The following NCKIPSD variants were observed in gnomAD, a reference collection of about 807,000 sequenced individuals.
NCKIPSD encodes NCK-interacting protein with SH3 domain.
In NCKIPSD, 48 loss-of-function variants were observed where a neutral mutation model predicts 73.4. That is an observed-to-expected ratio of 0.65 (90% CI 0.52 to 0.83). The LOEUF is 0.83. NCKIPSD is among the 40% of genes least tolerant of loss of function. NCKIPSD has a pLI of 0.00. For synonymous variants in NCKIPSD, 422 were observed against 403.6 expected, an observed-to-expected ratio of 1.05 and a Z score of -0.54; for missense variants, 884 against 970.2, an observed-to-expected ratio of 0.91 and a Z score of 1.18.
intron 1 of NCKIPSD, among the ~76,000 whole-genome samples, chr3:48,685,007 TGAAA>T (rs2077412736): frequency 6.6e-6 from 1 of 151,396 alleles, no homozygotes; most frequent in African/African-American, 2.4e-5. Flanking sequence ...CACAGGCTAG[TGAAA>T]GACACTGAAG....
In NCKIPSD at chr3:48,681,980, A is replaced by T. The variant is rs1378331662; in HGVS notation, c.598+65T>A. Reference sequence around the variant, plus strand: ...CTTAGAGCCTCCATTTCCCTGACACAGGCAGCACAACCATTCCAAGCATAG... The same window carrying T: ...CTTAGAGCCTCCATTTCCCTGACACTGGCAGCACAACCATTCCAAGCATAG... On this transcript the variant is annotated intron_variant, in intron 4 of 12. Transcript: ENST00000294129. 12 of 1,542,822 alleles carry T rather than the reference A, an allele frequency of 7.8e-6. No individual in the cohort carries two copies. In the Middle Eastern group the frequency reaches 5.0e-4, roughly 64 times the overall value.
chr3:48,678,303 G>C (rs2077285245), intron 12 of NCKIPSD, among the ~76,000 whole-genome samples: 1 of 152,124 alleles, frequency 6.6e-6, no homozygotes, highest in African/African-American at 2.4e-5. Context: ...TCTTGCAGCA[G>C]CCTCCGAGGC....
At chr3:48,679,934 G>C in intron 6 of NCKIPSD, 47 bp from the exon 7 acceptor site, 1 of 1,612,838 alleles carries the variant, frequency 6.2e-7, no homozygotes, top group Non-Finnish European at 8.5e-7. Flanking sequence ...GAGCGGAGCT[G>C]TGCAGCCGCA....
At chr3:48,684,029 G>A (rs1250341556) in intron 1 of NCKIPSD, among the ~76,000 whole-genome samples, 1 of 150,192 alleles carries the variant, frequency 6.7e-6, no homozygotes, top group East Asian at 1.9e-4. Context: ...CAGAGAGAGA[G>A]AGAAAGAAAG....
chr3:48,684,134 A>G (rs189771624), intron 1 of NCKIPSD, among the ~76,000 whole-genome samples: 5 of 152,204 alleles, frequency 3.3e-5, no homozygotes, highest in Admixed American at 3.3e-4. Flanking sequence ...GTGTGGGGGG[A>G]GCCGGAGGAA....
chr3:48,682,859 C>T, intron 2 of NCKIPSD, 44 bp downstream of exon 2: 3 of 1,527,684 alleles, frequency 2.0e-6, no homozygotes, highest in Non-Finnish European at 2.7e-6. Flanking sequence ...CCCCACCCCA[C>T]CATGCTCACC....
Position 48,682,557 on chromosome 3 carries a change from T to G in NCKIPSD, c.282-5A>C. 6.2e-7 allele frequency: 1 copy of G among 1,613,684 alleles called. No homozygotes were observed. Among genetic ancestry groups the G allele is most frequent in the Non-Finnish European group, 8.5e-7 (1 of 1,179,746 alleles). On this transcript the variant is annotated splice_polypyrimidine_tract_variant and splice_region_variant and intron_variant, in intron 2 of 12. Transcript: ENST00000294129. ...TTCCGGTGGTGGATCAGCTTCCTGA[T>G]GGAAGGACAGGAAGACTATTGGGGG... is the stretch of plus-strand genomic sequence containing the variant.
chr3:48,685,749 G>A lies in NCKIPSD; in HGVS notation c.59C>T (p.Ala20Val). ...CTCTAGCACCAGGAAGGTCTCGCCC[G>A]CGGCGAACGCCAGCGCGTTGGGCTC... ...SAEPNALAFA[A>V]GETFLVLERS... Residue 20 changes from alanine (A) to valine (V), a missense_variant, in exon 1 of 13, where the codon GCG becomes GTG. Coordinates refer to ENST00000294129, the MANE Select transcript of NCKIPSD (RefSeq NM_016453.4). 1.3e-6 allele frequency: 2 copies of A among 1,532,424 alleles called. No individual in the cohort carries two copies. The highest frequency in any genetic ancestry group is 1.7e-6 in the Non-Finnish European group (2 of 1,147,982). The allele number at this position is 1,532,424 out of a possible 1,614,324, so 94.9% of individuals were successfully genotyped here.
intron 12 of NCKIPSD, among the ~76,000 whole-genome samples, chr3:48,676,519 T>G (rs1306286912): frequency 1.3e-5 from 2 of 152,218 alleles, no homozygotes; most frequent in Non-Finnish European, 2.9e-5. Flanking sequence ...CTGGCTTTGT[T>G]GCCCAGGCTG....
At position 48,679,478 on chromosome 3, in the gene NCKIPSD, A is replaced by G. The variant is rs776400853; in HGVS notation, c.1490-21T>C. On this transcript the variant is annotated intron_variant, in intron 8 of 12. Transcript: ENST00000294129. ...GTGGTCTGGGGGGGACAAGGCAGGC[A>G]GTCAGAGTCCCCAAAGATGGCAGGA... The G allele has an allele frequency of 1.1e-5, 18 of 1,607,978 alleles. No individual in the cohort carries two copies. In the Admixed American group the frequency reaches 3.0e-4, roughly 27 times the overall value.
rs560764897 is a variant in NCKIPSD at position 48,674,238 on chromosome 3, G to A, written c.*306C>T. ...ATGGGGGTCTGGTCCAGCCTGGAGC[G>A]GCAGCAGGACTCTGAGTGTACACAT... On this transcript the variant is annotated 3_prime_UTR_variant, in exon 13 of 13. Transcript: ENST00000294129. The A allele has an allele frequency of 3.7e-5, 47 of 1,269,288 alleles. No homozygotes were observed. Among genetic ancestry groups the A allele is most frequent in the East Asian group, 1.0e-4 (3 of 29,590 alleles). The allele number at this position is 1,269,288 out of a possible 1,614,324, so 78.6% of individuals were successfully genotyped here.
intron 1 of NCKIPSD, among the ~76,000 whole-genome samples, chr3:48,683,467 C>T (rs1294340217): frequency 6.6e-6 from 1 of 152,148 alleles, no homozygotes; most frequent in Non-Finnish European, 1.5e-5. Flanking sequence ...TTTCACAAAA[C>T]CAAGGTCATA....
intron 4 of NCKIPSD, 32 bp from the exon 5 acceptor site, chr3:48,681,812 C>G (rs777424086): frequency 2.7e-6 from 4 of 1,465,660 alleles, no homozygotes; most frequent in Non-Finnish European, 3.6e-6. Flanking sequence ...TGGGCCAGGG[C>G]AGCCCCCTGG....
In NCKIPSD at chr3:48,679,808, T is replaced by C; in HGVS notation, c.1343A>G (p.Tyr448Cys). ...CCTCCATCCTGCACATACCATTTGG[T>C]AATAGGCCACCAAGGCCAGGACAGA... ...FESVLALVAY[Y>C]QMEHRASLRL... Residue 448 changes from tyrosine to cysteine, a missense_variant, in exon 7 of 13, where the codon TAC becomes TGC. Tyr to Cys is a radical substitution (Grantham distance 194). Coordinates refer to ENST00000294129, the MANE Select transcript of NCKIPSD (RefSeq NM_016453.4). The C allele has an allele frequency of 6.2e-7, 1 of 1,614,216 alleles. No individual in the cohort carries two copies.
chr3:48,678,893 C>A lies in NCKIPSD; in HGVS notation c.1776G>T (p.Leu592Phe). ...GGCCCTCACCCCCTCTGTTCAGGAGCAACAACAGCTTCTCGGAGAAGATCT... is the reference window on the plus strand; with the variant it reads ...GGCCCTCACCCCCTCTGTTCAGGAGAAACAACAGCTTCTCGGAGAAGATCT... ...NVKIFSEKLLLLLNRGDDPVR... is the reference protein window; with the variant it reads ...NVKIFSEKLLFLLNRGDDPVR... Residue 592 changes from leucine to phenylalanine, a missense_variant, in exon 11 of 13, where the codon TTG becomes TTT. Leu to Phe is a conservative substitution (Grantham distance 22). Transcript: ENST00000294129. 1 of 1,613,956 alleles carries A rather than the reference C, an allele frequency of 6.2e-7. No homozygotes were observed. The highest frequency in any genetic ancestry group is 8.5e-7 in the Non-Finnish European group (1 of 1,179,996).
chr3:48,683,811 C>G (rs2077391814), intron 1 of NCKIPSD, among the ~76,000 whole-genome samples: 1 of 152,148 alleles, frequency 6.6e-6, no homozygotes, highest in Admixed American at 6.5e-5. Flanking sequence ...CGTAGTCCAT[C>G]AGGCTACATA....
At chr3:48,680,725 T>A (rs1383592193) in intron 5 of NCKIPSD, among the ~76,000 whole-genome samples, 2 of 151,946 alleles carry the variant, frequency 1.3e-5, no homozygotes, top group Non-Finnish European at 2.9e-5. Context: ...CTGACCCCCA[T>A]CATGTATGCT....
chr3:48,675,495 C>CTA (rs1415988021), intron 12 of NCKIPSD, among the ~76,000 whole-genome samples: 25 of 127,988 alleles, frequency 2.0e-4, no homozygotes, highest in Admixed American at 4.1e-4. Flanking sequence ...CCCTTATGAT[C>CTA]TATATATATA....
intron 3 of NCKIPSD, 26 bp from the exon 4 acceptor site, chr3:48,682,182 AG>A (rs758002726): frequency 3.8e-6 from 6 of 1,588,596 alleles, no homozygotes; most frequent in Non-Finnish European, 4.3e-6. Flanking sequence ...AGGATCTTGG[AG>A]GACAGACTGA....
Sources: allele counts gnomAD v4.1 joint callset (sites outside exome capture counted in the v4.1 genomes callset), GRCh38; gene constraint gnomAD v4.1.1; transcripts MANE v1.5; gene names NCBI Gene and HGNC (gene_info 2026-07-23, HGNC 2026-07-21).